The following HPN variants were observed in gnomAD, a reference collection of about 807,000 sequenced individuals.
HPN encodes the protein hepsin, also known as serine protease hepsin.
In HPN, 13 loss-of-function variants were observed where a neutral mutation model predicts 55.9. That is an observed-to-expected ratio of 0.23 (90% CI 0.15 to 0.37). The LOEUF (loss-of-function observed/expected upper bound fraction) is 0.37. HPN is among the 10% of genes least tolerant of loss of function. The probability of loss-of-function intolerance (pLI) is 1.00; values close to 1 mark genes in which losing one functional copy is unlikely to be tolerated. For missense variants in HPN, 451 were observed against 575.8 expected, an observed-to-expected ratio of 0.78 and a Z score of 2.22; for synonymous variants, 225 against 240.3, an observed-to-expected ratio of 0.94 and a Z score of 0.59.
intron 4 of HPN, among the ~76,000 whole-genome samples, chr19:35,057,627 C>T (rs2064469108): frequency 6.6e-6 from 1 of 151,604 alleles, no homozygotes; most frequent in Non-Finnish European, 1.5e-5. Flanking sequence ...TCAAAATTTC[C>T]ATTAGACAGG....
chr19:35,043,124 G>A (rs545648936), intron 2 of HPN, among the ~76,000 whole-genome samples: 3 of 152,270 alleles, frequency 2.0e-5, no homozygotes, highest in Admixed American at 6.5e-5. Flanking sequence ...GACCCCCACC[G>A]ATCCCAGACA....
rs188330205 is a variant in HPN at position 35,049,909 on chromosome 19, C to T, written c.160+393C>T. 5.5e-4 allele frequency among the ~76,000 whole-genome samples: 83 copies of T among 151,160 alleles called. 1 individual carries two copies. Among genetic ancestry groups the T allele is most frequent in the African/African-American group, 1.9e-3 (80 of 41,142 alleles). ...TATACATGTAATCCCACTGCATCCC[C>T]ACACTCTGAGGGTGGGACTGTTATT... On this transcript the variant is annotated intron_variant, in intron 4 of 12. Coordinates refer to ENST00000672452, the MANE Select transcript of HPN (RefSeq NM_001384133.1).
rs200395654 is a variant in HPN, at chr19:35,059,720, G to A, written c.208G>A (p.Glu70Lys). The change falls in exon 5 of 13, where the codon GAA becomes AAA. Residue 70 changes from glutamate to lysine, a missense_variant. Glu to Lys is a moderately conservative substitution (Grantham distance 56). Around this residue, in one of 2 missense-constraint regions of HPN, gnomAD observed 378 missense variants for 445.5 expected, o/e 0.85. Coordinates refer to ENST00000672452, the MANE Select transcript of HPN (RefSeq NM_001384133.1). Reference protein sequence around the residue: ...DARLMVFDKTEGTWRLLCSSR... With the variant: ...DARLMVFDKTKGTWRLLCSSR... ...TCGGCTCATGGTCTTTGACAAGACG[G>A]AAGGGACGTGGCGGCTGCTGTGCTC... 173 of 1,600,022 alleles carry A rather than the reference G, an allele frequency of 1.1e-4. No homozygotes were observed. The highest frequency in any genetic ancestry group is 1.4e-4 in the Non-Finnish European group (166 of 1,174,052).
rs866859564 is a variant in HPN, at chr19:35,060,685, C to A, written c.679C>A (p.Pro227Thr). The stretch of plus-strand genomic sequence containing the variant: ...TGCCGGTGCCGTGGCCCAGGCCTCT[C>A]CCCACGGTCTGCAGCTGGGGGTGCA... ...VFAGAVAQAS[P>T]HGLQLGVQAV... Residue 227 changes from proline to threonine, a missense_variant, in exon 9 of 13, where the codon CCC (proline) becomes ACC (threonine). Physicochemically the swap from Pro to Thr is conservative, Grantham distance 38. Coordinates refer to ENST00000672452, the MANE Select transcript of HPN (RefSeq NM_001384133.1). 2 of 1,614,084 alleles carry A rather than the reference C, an allele frequency of 1.2e-6. No individual in the cohort carries two copies. The highest frequency in any genetic ancestry group is 2.2e-5 in the South Asian group (2 of 91,094).
intron 4 of HPN, among the ~76,000 whole-genome samples, chr19:35,052,674 C>T (rs1422778934): frequency 6.6e-6 from 1 of 152,194 alleles, no homozygotes; most frequent in African/African-American, 2.4e-5. Context: ...GACTCTATGG[C>T]CTCTCACCCT....
intron 2 of HPN, 39 bp from the exon 3 acceptor site, chr19:35,049,251 A>C: frequency 5.6e-6 from 8 of 1,436,690 alleles, no homozygotes; most frequent in Non-Finnish European, 7.5e-6. Flanking sequence ...CGCAATGAGG[A>C]CAGGCCTGGC....
chr19:35,049,802 C>A (rs961136571), intron 4 of HPN, among the ~76,000 whole-genome samples: 1 of 149,746 alleles, frequency 6.7e-6, no homozygotes, highest in Non-Finnish European at 1.5e-5. Context: ...GAAATAGATT[C>A]GATTACAGAC....
intron 9 of HPN, among the ~76,000 whole-genome samples, chr19:35,061,587 C>A (rs1379254804): frequency 6.6e-6 from 1 of 151,922 alleles, no homozygotes; most frequent in Non-Finnish European, 1.5e-5. Flanking sequence ...GAGCAAGGCT[C>A]TGTCATCTTG....
At chr19:35,053,734 G>A (rs927948490) in intron 4 of HPN, among the ~76,000 whole-genome samples, 1 of 152,082 alleles carries the variant, frequency 6.6e-6, no homozygotes, top group East Asian at 1.9e-4. Context: ...GACAGAGCAA[G>A]ACTCCATCTC....
At chr19:35,046,139 G>A (rs2064339573) in intron 2 of HPN, among the ~76,000 whole-genome samples, 2 of 152,358 alleles carry the variant, frequency 1.3e-5, no homozygotes, top group South Asian at 4.1e-4. Flanking sequence ...ACCCCTCGCA[G>A]GACAGGCAGG....
At chr19:35,053,091 G>C (rs536860424) in intron 4 of HPN, among the ~76,000 whole-genome samples, 30 of 152,126 alleles carry the variant, frequency 2.0e-4, no homozygotes, top group Non-Finnish European at 3.4e-4. Flanking sequence ...AGGCACACCA[G>C]GTGACCCAGA....
upstream of HPN, chr19:35,041,688 T>TCCCCCCCCCCCCCCCCCCCCCCCCCC: frequency 1.6e-6 from 1 of 638,114 alleles, no homozygotes. Flanking sequence ...CCCCGCCCCT[T>TCCCCCCCCCCCCCCCCCCCCCCCCCC]CACCCGCCCC....
rs111400056 is a variant in HPN at position 35,052,461 on chromosome 19, C to T, written c.160+2945C>T. On this transcript the variant is annotated intron_variant, in intron 4 of 12. Transcript: ENST00000672452. Reference sequence around the variant, plus strand: ...GAGAACTGTTTGAACCTGGGAGGCGCGGGTTGCAGGTTGCAGTGAACTGAG... The same window carrying T: ...GAGAACTGTTTGAACCTGGGAGGCGTGGGTTGCAGGTTGCAGTGAACTGAG... Among the ~76,000 whole-genome samples the T allele has an allele frequency of 3.4e-3, 460 of 137,054 alleles. 2 individuals carry two copies. The highest frequency in any genetic ancestry group is 0.012 in the African/African-American group (440 of 36,466). The allele number at this position is 137,054 out of a possible 152,430, so 89.9% of individuals were successfully genotyped here. A position where few individuals can be genotyped will look rare whatever the true frequency, so the allele number is the denominator to read the frequency against.
rs753269521 is a variant in HPN, at chr19:35,066,453, C to G, written c.*166C>G. On this transcript the variant is annotated 3_prime_UTR_variant, in exon 13 of 13. Transcript: ENST00000672452. ...CCACAGTGGCGGGCCCACTCAGCCC[C>G]GAGACCACCCAACCTCACCCTCCTG... The G allele has an allele frequency of 1.2e-6, 1 of 845,584 alleles. No individual in the cohort carries two copies. Among genetic ancestry groups the G allele is most frequent in the Non-Finnish European group, 1.8e-6 (1 of 554,114 alleles). 52.4% of individuals were successfully genotyped at this position (845,584 alleles called of 1,614,324 possible). A position where few individuals can be genotyped will look rare whatever the true frequency, so the allele number is the denominator to read the frequency against.
chr19:35,048,072 GAAAGAAAGAA>G lies in HPN; in HGVS notation c.17-1215_17-1206del, dbSNP rs1555722961. Reference sequence around the variant, plus strand: ...AGAAAGAAAGAAAGAAAGAAAGAAAGAAAGAAAGAAAAGGAAGGAAGGAAGGAAAAGAAAA... The same window carrying G: ...AGAAAGAAAGAAAGAAAGAAAGAAAGAAGGAAGGAAGGAAGGAAAAGAAAA... On this transcript the variant is annotated intron_variant, in intron 2 of 12. Transcript: ENST00000672452. 9.4e-3 allele frequency among the ~76,000 whole-genome samples: 536 copies of G among 57,112 alleles called. 12 individuals carry two copies. Among genetic ancestry groups the G allele is most frequent in the South Asian group, 0.045 (79 of 1,768 alleles). 37.5% of individuals were successfully genotyped at this position (57,112 alleles called of 152,430 possible).
At chr19:35,046,924 G>A (rs1052413756) in intron 2 of HPN, among the ~76,000 whole-genome samples, 4 of 152,078 alleles carry the variant, frequency 2.6e-5, no homozygotes, top group African/African-American at 7.2e-5. Flanking sequence ...TGCCTCCCGG[G>A]TTCAAGCCAT....
chr19:35,048,655 A>C (rs1485444440), intron 2 of HPN, among the ~76,000 whole-genome samples: 1 of 152,064 alleles, frequency 6.6e-6, no homozygotes, highest in Non-Finnish European at 1.5e-5. Context: ...GCATTTTGGG[A>C]GGCTGAGGAA....
chr19:35,060,115 C>T lies in HPN; in HGVS notation c.414-14C>T. 2 of 1,614,186 alleles carry T rather than the reference C, an allele frequency of 1.2e-6. No individual in the cohort carries two copies. Among genetic ancestry groups the T allele is most frequent in the South Asian group, 2.2e-5 (2 of 91,088 alleles). The stretch of plus-strand genomic sequence containing the variant: ...TTTCCTTTCTTTCTGTGTCTCCAAT[C>T]CCATCTCTCCCAGTGATTGCCCCAG... On this transcript the variant is annotated splice_polypyrimidine_tract_variant and intron_variant, in intron 6 of 12. Coordinates refer to ENST00000672452, the MANE Select transcript of HPN (RefSeq NM_001384133.1).
chr19:35,052,436 G>T (rs2064414305), intron 4 of HPN, among the ~76,000 whole-genome samples: 1 of 151,156 alleles, frequency 6.6e-6, no homozygotes, highest in Non-Finnish European at 1.5e-5. Flanking sequence ...GCTGAGGCAG[G>T]AGAACTGTTT....
Sources: allele counts gnomAD v4.1 joint callset (sites outside exome capture counted in the v4.1 genomes callset), GRCh38; gene constraint gnomAD v4.1.1; regional missense constraint gnomAD v4.1.1; transcripts MANE v1.5; gene names NCBI Gene and HGNC (gene_info 2026-07-23, HGNC 2026-07-21).